The following STAB2 variants were observed in gnomAD, a reference collection of about 807,000 sequenced individuals.
STAB2 encodes the protein stabilin-2.
A neutral mutation model predicts 338.1 loss-of-function variants in STAB2; 288 were observed. The ratio of observed to expected loss-of-function variants is 0.85; its 90% CI spans 0.77 to 0.94. The LOEUF is 0.94. Ranked by LOEUF, STAB2 falls within the 40% of genes least tolerant of loss-of-function variation. The pLI is 0.00. For synonymous variants in STAB2, 1,202 were observed against 1,193.3 expected (o/e 1.01, Z -0.15); for missense variants, 3,141 against 3,210.1 (o/e 0.98, Z 0.52).
chr12:103,658,520 T>A (rs1013579151), intron 15 of STAB2, among the ~76,000 whole-genome samples: 2 of 152,184 alleles, frequency 1.3e-5, no homozygotes, highest in African/African-American at 4.8e-5. Flanking sequence ...CCTGAGGCTT[T>A]GAAAGTGGAT....
At chr12:103,647,426 A>G (rs1397681369) in intron 9 of STAB2, among the ~76,000 whole-genome samples, 1 of 152,078 alleles carries the variant, frequency 6.6e-6, no homozygotes, top group Non-Finnish European at 1.5e-5. Flanking sequence ...TGATGTAGTC[A>G]CAGCACATCT....
At chr12:103,675,044 A>G (rs1254501348) in intron 23 of STAB2, among the ~76,000 whole-genome samples, 1 of 152,220 alleles carries the variant, frequency 6.6e-6, no homozygotes, top group African/African-American at 2.4e-5. Flanking sequence ...TAAATCAAAC[A>G]TTATTGGAAC....
intron 39 of STAB2, among the ~76,000 whole-genome samples, chr12:103,710,502 C>A (rs1879755845): frequency 6.6e-6 from 1 of 152,204 alleles, no homozygotes. Context: ...CCCTCTGTGA[C>A]CAGCCAGGGG....
intron 37 of STAB2, 138 bp from the exon 38 acceptor site, chr12:103,706,654 G>T: frequency 8.7e-7 from 1 of 1,153,852 alleles, no homozygotes; most frequent in Non-Finnish European, 1.2e-6. Flanking sequence ...AGAGGGTCCT[G>T]CCCCCACCCC....
chr12:103,654,968 A>T, intron 13 of STAB2: 1 of 546,934 alleles, frequency 1.8e-6, no homozygotes, highest in Non-Finnish European at 3.1e-6. Flanking sequence ...GTCCATGACC[A>T]ATCATCATGA....
At position 103,766,338 on chromosome 12, in the gene STAB2, G is replaced by A. The variant is rs1187333914; in HGVS notation, c.*2G>A. The A allele has an allele frequency of 1.2e-6, 2 of 1,607,282 alleles. No homozygotes were observed. Among genetic ancestry groups the A allele is most frequent in the Non-Finnish European group, 8.5e-7 (1 of 1,175,852 alleles). On this transcript the variant is annotated 3_prime_UTR_variant, in exon 69 of 69. Coordinates refer to ENST00000388887, the MANE Select transcript of STAB2 (RefSeq NM_017564.10). The stretch of plus-strand genomic sequence containing the variant: ...AATGACCCCTTGAGGACACTGTGAG[G>A]GCCTGGACGGGAGATGCCAGCCATC...
rs866151070 is a variant in STAB2, at chr12:103,597,560, A to T, written c.331+3050A>T. 1.8e-4 allele frequency among the ~76,000 whole-genome samples: 27 copies of T among 152,330 alleles called. No individual in the cohort carries two copies. The Middle Eastern group carries it at 0.01, about 58-fold the overall frequency. ...AATTAAGAATAAAGCATGAATTCTCACTTGGGGAAAAAAATAATATTATCT... is the reference window on the plus strand; with the variant it reads ...AATTAAGAATAAAGCATGAATTCTCTCTTGGGGAAAAAAATAATATTATCT... On this transcript the variant is annotated intron_variant, in intron 3 of 68. Coordinates refer to ENST00000388887, the MANE Select transcript of STAB2 (RefSeq NM_017564.10).
Position 103,626,652 on chromosome 12 carries a change from T to C in STAB2, c.487+4541T>C, listed in dbSNP as rs533868223. 1.4e-4 allele frequency among the ~76,000 whole-genome samples: 21 copies of C among 152,358 alleles called. 3 individuals carry two copies. Among genetic ancestry groups the C allele is most frequent in the Admixed American group, 3.9e-4 (6 of 15,308 alleles). ...GGTCATTTCCCACTGACAAGGACTA[T>C]GGAGACTGCAAACCTTTTCATCCAG... On this transcript the variant is annotated intron_variant, in intron 5 of 68. Transcript: ENST00000388887.
intron 33 of STAB2, among the ~76,000 whole-genome samples, chr12:103,697,955 C>T (rs1030258326): frequency 1.3e-5 from 2 of 152,114 alleles, no homozygotes; most frequent in African/African-American, 4.8e-5. Flanking sequence ...CCCAGACCTC[C>T]AGGAGCAGGC....
chr12:103,634,660 G>A (rs1957515556), intron 6 of STAB2, among the ~76,000 whole-genome samples: 1 of 152,152 alleles, frequency 6.6e-6, no homozygotes, highest in South Asian at 2.1e-4. Flanking sequence ...AAAATTATTG[G>A]GAACCTCTGG....
chr12:103,747,441 G>A (rs1883153115), intron 58 of STAB2, among the ~76,000 whole-genome samples: 1 of 152,108 alleles, frequency 6.6e-6, no homozygotes, highest in African/African-American at 2.4e-5. Context: ...CTTTTATCTT[G>A]TGGCTCTGCC....
chr12:103,683,902 G>GA (rs1877158997), intron 26 of STAB2, among the ~76,000 whole-genome samples: 1 of 152,166 alleles, frequency 6.6e-6, no homozygotes, highest in Non-Finnish European at 1.5e-5. Flanking sequence ...TAATCACAGT[G>GA]TTTGGAGTTC....
At chr12:103,606,942 C>T (rs1039866127) in intron 3 of STAB2, among the ~76,000 whole-genome samples, 12 of 152,144 alleles carry the variant, frequency 7.9e-5, no homozygotes, top group South Asian at 4.1e-4. Flanking sequence ...TGAGCTTATG[C>T]GACTGCACTC....
chr12:103,749,764 CAGG>C (rs1368527941), intron 59 of STAB2, among the ~76,000 whole-genome samples: 2 of 135,060 alleles, frequency 1.5e-5, no homozygotes, highest in Admixed American at 1.7e-4. Context: ...GGCATGAACA[CAGG>C]AGGCGGAGCT....
intron 47 of STAB2, 69 bp downstream of exon 47, chr12:103,727,419 G>A: frequency 6.5e-7 from 1 of 1,536,658 alleles, no homozygotes; most frequent in Non-Finnish European, 9.0e-7. Context: ...CCTCGCCCTG[G>A]AACCAAGACT....
Position 103,749,089 on chromosome 12 carries a change from T to G in STAB2, c.6371T>G (p.Ile2124Arg). 3 of 1,614,060 alleles carry G rather than the reference T, an allele frequency of 1.9e-6. No individual in the cohort carries two copies. Among genetic ancestry groups the G allele is most frequent in the Non-Finnish European group, 2.5e-6 (3 of 1,180,006 alleles). The part of the protein sequence containing the change: ...YKGDGHSCTE[I>R]DPCADGLNGG... ...GGGGACGGGCACAGCTGCACAGAGA[T>G]AGACCCCTGTGCAGACGGCCTTAAC... The change falls in exon 59 of 69, where the codon ATA (isoleucine) becomes AGA (arginine). Residue 2124 changes from isoleucine to arginine, a missense_variant. Coordinates refer to ENST00000388887, the MANE Select transcript of STAB2 (RefSeq NM_017564.10).
intron 44 of STAB2, among the ~76,000 whole-genome samples, chr12:103,720,046 G>A (rs1005700575): frequency 2.6e-5 from 4 of 152,146 alleles, no homozygotes; most frequent in African/African-American, 9.7e-5. Flanking sequence ...TTATCTCCTT[G>A]TGTTTGTCTG....
intron 39 of STAB2, among the ~76,000 whole-genome samples, chr12:103,709,328 G>T (rs1879640334): frequency 6.6e-6 from 1 of 152,232 alleles, no homozygotes; most frequent in African/African-American, 2.4e-5. Context: ...ATGAGAAAAG[G>T]CAGGAGCAGT....
Position 103,735,401 on chromosome 12 carries a change from T to C in STAB2, c.5461-90T>C, listed in dbSNP as rs1035396126. The C allele has an allele frequency of 7.7e-6, 6 of 779,484 alleles. No homozygotes were observed. The African/African-American group carries it at 8.8e-5, about 11-fold the overall frequency. The allele number at this position is 779,484 out of a possible 1,614,324, so 48.3% of individuals were successfully genotyped here. A position where few individuals can be genotyped will look rare whatever the true frequency, so the allele number is the denominator to read the frequency against. On this transcript the variant is annotated intron_variant, in intron 51 of 68. Transcript: ENST00000388887. ...ATTATAACTCGTGGAAAAATTTGCA[T>C]CTGAATTTGGTTTTTTGGTAAAGCT...
Sources: gnomAD v4.1 joint callset for allele counts (sites outside exome capture counted in the v4.1 genomes callset) on GRCh38, gnomAD v4.1.1 for gene constraint, MANE v1.5 for transcripts, NCBI Gene and HGNC (gene_info 2026-07-23, HGNC 2026-07-21) for gene names.